The following PHC3 variants were observed in gnomAD, a reference collection of about 807,000 sequenced individuals.
The protein encoded by PHC3 is polyhomeotic homolog 3.
A neutral mutation model predicts 107.4 loss-of-function variants in PHC3; 13 were observed. That is an observed-to-expected ratio of 0.12 (90% CI 0.08 to 0.19). The LOEUF (loss-of-function observed/expected upper bound fraction) is 0.19, where lower values mean the gene tolerates loss of function less well. PHC3 is among the 10% of genes least tolerant of loss of function. The pLI is 1.00. For missense variants in PHC3, 992 were observed against 1,210.9 expected (o/e 0.82, Z 2.68); for synonymous variants, 456 against 427.4 (o/e 1.07, Z -0.83).
intron 6 of PHC3, among the ~76,000 whole-genome samples, chr3:170,139,453 T>C (rs779998499): frequency 1.3e-4 from 20 of 152,164 alleles, no homozygotes; most frequent in Non-Finnish European, 1.8e-4. Context: ...GACTGCATAG[T>C]AATGATAACC....
At chr3:170,142,404 A>C (rs918038105) in intron 6 of PHC3, among the ~76,000 whole-genome samples, 4 of 152,202 alleles carry the variant, frequency 2.6e-5, no homozygotes, top group Non-Finnish European at 5.9e-5. Flanking sequence ...ATCTGCTGGC[A>C]AATGTTGTTG....
At chr3:170,107,916 G>A (rs929876632) in intron 11 of PHC3, among the ~76,000 whole-genome samples, 2 of 152,082 alleles carry the variant, frequency 1.3e-5, no homozygotes, top group Non-Finnish European at 2.9e-5. Context: ...TTTCTCATCT[G>A]TAAAATGGGG....
At chr3:170,136,336 T>C (rs1429379701) in intron 7 of PHC3, 83 bp downstream of exon 7, 4 of 1,534,576 alleles carry the variant, frequency 2.6e-6, no homozygotes, top group Non-Finnish European at 3.6e-6. Flanking sequence ...TCACTCCTGT[T>C]CAAGTCATGA....
At chr3:170,112,392 TATA>T (rs1207918060) in intron 11 of PHC3, among the ~76,000 whole-genome samples, 3 of 116,536 alleles carry the variant, frequency 2.6e-5, no homozygotes, top group Non-Finnish European at 3.6e-5. Context: ...TATATATATA[TATA>T]TTTTTTTTTA....
At chr3:170,126,594 T>G (rs1721339418) in intron 8 of PHC3, among the ~76,000 whole-genome samples, 1 of 148,010 alleles carries the variant, frequency 6.8e-6, no homozygotes, top group Non-Finnish European at 1.5e-5. Flanking sequence ...CAGGCTGGAG[T>G]GCAGTGGTAC....
At chr3:170,148,315 T>A (rs1421626791) in intron 5 of PHC3, 1 of 152,026 alleles carries the variant, frequency 6.6e-6, no homozygotes, top group African/African-American at 2.4e-5. Context: ...AAACTGGAGA[T>A]CCAGATATAT....
At chr3:170,163,238 T>A (rs1360971636) in intron 4 of PHC3, among the ~76,000 whole-genome samples, 1 of 151,988 alleles carries the variant, frequency 6.6e-6, no homozygotes, top group Non-Finnish European at 1.5e-5. Flanking sequence ...TTGTCTAGCA[T>A]CATAACTAGA....
At chr3:170,102,164 A>G (rs1210036841) in intron 14 of PHC3, 1 of 985,364 alleles carries the variant, frequency 1.0e-6, no homozygotes, top group Non-Finnish European at 1.2e-6. Flanking sequence ...GTCTGATTCA[A>G]TCTCTCTACT....
intron 11 of PHC3, among the ~76,000 whole-genome samples, chr3:170,110,252 C>T (rs1237993768): frequency 3.9e-5 from 6 of 152,082 alleles, no homozygotes; most frequent in Admixed American, 1.3e-4. Flanking sequence ...TCAGTACTAT[C>T]CACCCACCTT....
intron 6 of PHC3, among the ~76,000 whole-genome samples, chr3:170,143,717 C>G (rs1724483747): frequency 1.3e-5 from 2 of 152,112 alleles, no homozygotes; most frequent in Admixed American, 1.3e-4. Flanking sequence ...TGAGGTGTAA[C>G]TTACATACAA....
At chr3:170,146,647 C>T (rs542085245) in intron 5 of PHC3, among the ~76,000 whole-genome samples, 1 of 148,182 alleles carries the variant, frequency 6.7e-6, no homozygotes, top group Admixed American at 6.7e-5. Flanking sequence ...ATTCTCCTGC[C>T]TCAGCTTCCC....
intron 7 of PHC3, among the ~76,000 whole-genome samples, chr3:170,133,238 G>A (rs893122181): frequency 3.3e-5 from 5 of 151,388 alleles, no homozygotes; most frequent in African/African-American, 1.2e-4. Flanking sequence ...GAGTGCAGTG[G>A]TGTGATCTCG....
rs1287324661 is a variant in PHC3, at chr3:170,179,540, T to C, written c.15-602A>G. On this transcript the variant is annotated intron_variant, in intron 1 of 14. Coordinates refer to ENST00000495893, the MANE Select transcript of PHC3 (RefSeq NM_024947.4). Reference sequence around the variant, plus strand: ...TCCTTACTACTTCTAATAGCTGAGTTATACTTATTAGCAGATTGCTGTGAG... The same window carrying C: ...TCCTTACTACTTCTAATAGCTGAGTCATACTTATTAGCAGATTGCTGTGAG... Among the ~76,000 whole-genome samples, 4 of 152,226 alleles carry C rather than the reference T, an allele frequency of 2.6e-5. No individual in the cohort carries two copies. In the East Asian group the frequency reaches 7.7e-4, roughly 29 times the overall value.
At chr3:170,101,542 GA>G (rs1363201733) in intron 14 of PHC3, among the ~76,000 whole-genome samples, 6 of 152,100 alleles carry the variant, frequency 3.9e-5, no homozygotes. Flanking sequence ...TGTATCAAGA[GA>G]AATGATATGA....
intron 6 of PHC3, among the ~76,000 whole-genome samples, chr3:170,143,255 A>G (rs530057363): frequency 1.3e-5 from 2 of 152,338 alleles, no homozygotes; most frequent in Non-Finnish European, 2.9e-5. Flanking sequence ...TTCCACAGAG[A>G]CATAAAAAGT....
At chr3:170,151,712 AAAG>A (rs1300382932) in intron 4 of PHC3, among the ~76,000 whole-genome samples, 2 of 152,350 alleles carry the variant, frequency 1.3e-5, no homozygotes, top group East Asian at 3.9e-4. Context: ...GAGAAACAGC[AAAG>A]AAGCTTGCAT....
In PHC3 at chr3:170,153,527, G is replaced by A. The variant is rs1206713945; in HGVS notation, c.415-4283C>T. ...GCCTGTAATCCCAGCACTTTGGGAG[G>A]CCGAGGCGGGCGGATCACGAGGTCA... On this transcript the variant is annotated intron_variant, in intron 4 of 14. Transcript: ENST00000495893. Among the ~76,000 whole-genome samples the A allele has an allele frequency of 2.0e-5, 3 of 152,142 alleles. No homozygotes were observed. The East Asian group carries it at 5.8e-4, about 29-fold the overall frequency.
intron 12 of PHC3, among the ~76,000 whole-genome samples, chr3:170,105,936 G>C (rs1716412320): frequency 6.6e-6 from 1 of 152,150 alleles, no homozygotes; most frequent in Non-Finnish European, 1.5e-5. Flanking sequence ...TATCAGCCAG[G>C]CGTGGTGGCT....
chr3:170,122,766 C>T lies in PHC3; in HGVS notation c.1789-22G>A, dbSNP rs1250428750. 3.1e-6 allele frequency: 5 copies of T among 1,604,976 alleles called. 1 individual carries two copies. The East Asian group carries it at 9.0e-5, about 29-fold the overall frequency. The stretch of plus-strand genomic sequence containing the variant: ...AAACCTGCAATGACAAACCATACTG[C>T]CTTAAAATGTTTCCAAAACTATATT... On this transcript the variant is annotated intron_variant, in intron 8 of 14. Coordinates refer to ENST00000495893, the MANE Select transcript of PHC3 (RefSeq NM_024947.4).
Sources: gnomAD v4.1 joint callset for allele counts (sites outside exome capture counted in the v4.1 genomes callset) on GRCh38, gnomAD v4.1.1 for gene constraint, MANE v1.5 for transcripts, NCBI Gene and HGNC (gene_info 2026-07-23, HGNC 2026-07-21) for gene names.